The following STK39 variants were observed in gnomAD, a reference collection of about 807,000 sequenced individuals.
STK39 encodes serine/threonine kinase 39.
Under a neutral mutation model 77.8 loss-of-function variants are expected in STK39, and 20 were observed. That is an observed-to-expected ratio of 0.26 (90% CI 0.18 to 0.37). STK39 has a LOEUF of 0.37. STK39 is among the 10% of genes least tolerant of loss of function. The pLI, the probability that STK39 is intolerant of heterozygous loss-of-function variation, is 1.00. For synonymous variants in STK39, 246 were observed against 234.1 expected, an observed-to-expected ratio of 1.05 and a Z score of -0.47; for missense variants, 479 against 656.5, an observed-to-expected ratio of 0.73 and a Z score of 2.95.
In STK39 at chr2:168,209,405, G is replaced by A. The variant is rs535166379; in HGVS notation, c.209-27315C>T. On this transcript the variant is annotated intron_variant, in intron 1 of 17. Coordinates refer to ENST00000355999, the MANE Select transcript of STK39 (RefSeq NM_013233.3). ...AAGAAACTAATGTAAGGCCTGGCGC[G>A]GTGGCTCACGCCTGTAATCCCAGCA... 1.6e-3 allele frequency among the ~76,000 whole-genome samples: 251 copies of A among 152,262 alleles called. 1 individual carries two copies. Among genetic ancestry groups the A allele is most frequent in the African/African-American group, 5.7e-3 (237 of 41,558 alleles).
intron 10 of STK39, among the ~76,000 whole-genome samples, chr2:168,103,684 G>A (rs1029803629): frequency 4.6e-5 from 7 of 152,146 alleles, no homozygotes; most frequent in African/African-American, 1.7e-4. Flanking sequence ...ATATGTGTAA[G>A]ATTTCTCAAC....
At chr2:168,171,797 T>C (rs1045824034) in intron 2 of STK39, among the ~76,000 whole-genome samples, 1 of 152,038 alleles carries the variant, frequency 6.6e-6, no homozygotes, top group Non-Finnish European at 1.5e-5. Context: ...CATAACTAAA[T>C]ATAATAAGAG....
At chr2:168,236,147 C>A (rs1558889583) in intron 1 of STK39, among the ~76,000 whole-genome samples, 1 of 152,088 alleles carries the variant, frequency 6.6e-6, no homozygotes, top group Non-Finnish European at 1.5e-5. Context: ...GATCACCATT[C>A]TAACTGGTGT....
intron 14 of STK39, among the ~76,000 whole-genome samples, chr2:168,060,066 G>A (rs924427724): frequency 2.0e-5 from 3 of 152,110 alleles, no homozygotes; most frequent in Non-Finnish European, 4.4e-5. Context: ...TCACAAAAAA[G>A]TAATACTGTT....
At chr2:168,017,862 C>T (rs1380515881) in intron 14 of STK39, among the ~76,000 whole-genome samples, 2 of 151,954 alleles carry the variant, frequency 1.3e-5, no homozygotes. Context: ...GAAAGGTATG[C>T]ATTTGGTAGT....
chr2:168,129,780 A>G, intron 8 of STK39, 22 bp from the exon 9 acceptor site: 1 of 1,612,622 alleles, frequency 6.2e-7, no homozygotes, highest in Non-Finnish European at 8.5e-7. Flanking sequence ...ATAATAAATT[A>G]GAGTTGAAAC....
chr2:168,004,045 G>C (rs576199934), intron 16 of STK39, among the ~76,000 whole-genome samples: 1 of 152,256 alleles, frequency 6.6e-6, no homozygotes, highest in African/African-American at 2.4e-5. Flanking sequence ...AGAGCACTTC[G>C]CACATCTAAC....
chr2:168,077,474 A>G (rs902268480), intron 10 of STK39, among the ~76,000 whole-genome samples: 1 of 152,206 alleles, frequency 6.6e-6, no homozygotes, highest in Admixed American at 6.5e-5. Flanking sequence ...CAAAATGTCT[A>G]GGATTATAGC....
At chr2:168,036,408 A>G (rs544760862) in intron 14 of STK39, among the ~76,000 whole-genome samples, 10,411 of 152,212 alleles carry the variant, frequency 0.068, 665 homozygotes, top group East Asian at 0.2. Flanking sequence ...GTGCCACATT[A>G]CTGACTGCTG....
chr2:168,097,707 CTG>C (rs1397862128), intron 10 of STK39, among the ~76,000 whole-genome samples: 1 of 151,084 alleles, frequency 6.6e-6, no homozygotes, highest in East Asian at 2.0e-4. Context: ...GCATTCCAGC[CTG>C]CGTGACAGAG....
At chr2:168,230,695 G>A (rs994139095) in intron 1 of STK39, among the ~76,000 whole-genome samples, 3 of 152,166 alleles carry the variant, frequency 2.0e-5, no homozygotes, top group Non-Finnish European at 2.9e-5. Context: ...GTCTGTCAGA[G>A]GCACCCTCGC....
At chr2:168,063,953 G>A (rs1013870882) in intron 13 of STK39, among the ~76,000 whole-genome samples, 1 of 152,170 alleles carries the variant, frequency 6.6e-6, no homozygotes, top group African/African-American at 2.4e-5. Context: ...GGAAGGCGGG[G>A]CCCAGAAGAT....
intron 1 of STK39, among the ~76,000 whole-genome samples, chr2:168,236,477 TG>T (rs1249011514): frequency 2.0e-5 from 3 of 152,250 alleles, no homozygotes; most frequent in African/African-American, 7.2e-5. Flanking sequence ...TTGTCAATTT[TG>T]GCTTTTGTTG....
intron 14 of STK39, among the ~76,000 whole-genome samples, chr2:168,040,136 T>G (rs527588925): frequency 3.9e-5 from 6 of 152,174 alleles, no homozygotes; most frequent in Non-Finnish European, 8.8e-5. Context: ...GTGAGCCGAT[T>G]GTATGCTGTG....
chr2:168,051,307 A>G (rs188942658), intron 14 of STK39, among the ~76,000 whole-genome samples: 262 of 152,342 alleles, frequency 1.7e-3, no homozygotes, highest in Non-Finnish European at 3.1e-3. Flanking sequence ...AGCGACAGGA[A>G]GGATAACTTA....
chr2:168,183,236 C>T (rs1243436230), intron 1 of STK39, among the ~76,000 whole-genome samples: 1 of 152,218 alleles, frequency 6.6e-6, no homozygotes, highest in Admixed American at 6.5e-5. Flanking sequence ...CTTGGCAACC[C>T]CAGCAGATCA....
intron 10 of STK39, among the ~76,000 whole-genome samples, chr2:168,127,344 T>A (rs777554048): frequency 6.6e-6 from 1 of 152,024 alleles, no homozygotes; most frequent in Non-Finnish European, 1.5e-5. Flanking sequence ...AGAGATGGGG[T>A]TTCACCACAT....
At chr2:167,980,241 T>G (rs555736737) in intron 16 of STK39, among the ~76,000 whole-genome samples, 1 of 152,350 alleles carries the variant, frequency 6.6e-6, no homozygotes, top group African/African-American at 2.4e-5. Flanking sequence ...AAGCTCTCTT[T>G]ACGATCTTGT....
At chr2:168,170,123 T>A (rs867001673) in intron 2 of STK39, among the ~76,000 whole-genome samples, 2 of 152,206 alleles carry the variant, frequency 1.3e-5, no homozygotes, top group Admixed American at 1.3e-4. Flanking sequence ...TATTTCCACA[T>A]AGAAGAAAGT....
Sources: gnomAD v4.1 joint callset for allele counts (sites outside exome capture counted in the v4.1 genomes callset) on GRCh38, gnomAD v4.1.1 for gene constraint, MANE v1.5 for transcripts, NCBI Gene and HGNC (gene_info 2026-07-23, HGNC 2026-07-21) for gene names.